The following RELB variants were observed in gnomAD, a reference collection of about 807,000 sequenced individuals.
RELB encodes RELB proto-oncogene, NF-kB subunit.
Under a neutral mutation model 55.4 loss-of-function variants are expected in RELB, and 14 were observed. That is an observed-to-expected ratio of 0.25 (90% CI 0.17 to 0.40). The LOEUF is 0.40. RELB is among the 10% of genes least tolerant of loss of function. The probability of loss-of-function intolerance (pLI) is 1.00; values close to 1 mark genes in which losing one functional copy is unlikely to be tolerated. For missense variants in RELB, 669 were observed against 830.7 expected (o/e 0.81, Z 2.39); for synonymous variants, 409 against 371.3 (o/e 1.10, Z -1.17).
intron 7 of RELB, among the ~76,000 whole-genome samples, chr19:45,027,393 C>G (rs1205124054): frequency 6.6e-6 from 1 of 152,108 alleles, no homozygotes; most frequent in Non-Finnish European, 1.5e-5. Context: ...ATATCTGTCT[C>G]TTTCTGTCTC....
At position 45,034,669 on chromosome 19, in the gene RELB, A is replaced by G. The variant is rs151210870; in HGVS notation, c.1354+141A>G. 193 of 660,480 alleles carry G rather than the reference A, an allele frequency of 2.9e-4. 1 individual carries two copies. Among genetic ancestry groups the G allele is most frequent in the Middle Eastern group, 2.5e-3 (6 of 2,390 alleles). 40.9% of individuals were successfully genotyped at this position (660,480 alleles called of 1,614,324 possible). A position where few individuals can be genotyped will look rare whatever the true frequency, so the allele number is the denominator to read the frequency against. On this transcript the variant is annotated intron_variant, in intron 11 of 11. Coordinates refer to ENST00000221452, the MANE Select transcript of RELB (RefSeq NM_006509.4). ...GCACTTAGCCAGCAACATAGAGTAG[A>G]AAGAATGAGGGCTTTGGAGACAGAA...
At chr19:45,008,018 A>AAAAAAAAAAAAAG (rs1971304441) in intron 2 of RELB, among the ~76,000 whole-genome samples, 1 of 147,254 alleles carries the variant, frequency 6.8e-6, no homozygotes, top group African/African-American at 2.5e-5. Flanking sequence ...AAAAAAAAAA[A>AAAAAAAAAAAAAG]AAAAAGCCGG....
At position 45,011,756 on chromosome 19, in the gene RELB, C is replaced by CTGTGTGTG. The variant is rs199579874; in HGVS notation, c.164-145_164-138dup. On this transcript the variant is annotated intron_variant, in intron 3 of 11. Transcript: ENST00000221452. ...GCCACCGCACCTGGCCTCCCTGACT[C>CTGTGTGTG]TGTGTGTGTGTGTGTGTGTGTGTGT... is the stretch of plus-strand genomic sequence containing the variant. 2.5e-3 allele frequency among the ~76,000 whole-genome samples: 147 copies of CTGTGTGTG among 59,870 alleles called. 12 individuals are homozygous for CTGTGTGTG. Among genetic ancestry groups the CTGTGTGTG allele is most frequent in the Middle Eastern group, 8.8e-3 (1 of 114 alleles). The allele number at this position is 59,870 out of a possible 152,430, so 39.3% of individuals were successfully genotyped here.
rs1182717956 is a variant in RELB, at chr19:45,001,587, G to C, written c.8G>C (p.Arg3Pro). The C allele has an allele frequency of 6.8e-7, 1 of 1,472,742 alleles. No homozygotes were observed. The highest frequency in any genetic ancestry group is 1.5e-5 in the African/African-American group (1 of 68,230). The allele number at this position is 1,472,742 out of a possible 1,614,324, so 91.2% of individuals were successfully genotyped here. Residue 3 changes from arginine to proline, a missense_variant, in exon 1 of 12, where the codon CGG becomes CCG. Physicochemically the swap from Arg to Pro is moderately radical, Grantham distance 103 (BLOSUM62 -2). Transcript: ENST00000221452. ...CCCGGCCGGCCCGCGTGCATGCTTC[G>C]GTCTGGGCCAGCCTCTGGGCCGTCC... ML[R>P]SGPASGPSVP...
At chr19:45,003,037 G>T in intron 2 of RELB, 41 bp downstream of exon 2, 1 of 1,590,858 alleles carries the variant, frequency 6.3e-7, no homozygotes, top group Non-Finnish European at 8.6e-7. Context: ...CGCTCATGCA[G>T]GATGAGGTTG....
At chr19:45,003,060 AG>A in intron 2 of RELB, 64 bp downstream of exon 2, 1 of 1,493,240 alleles carries the variant, frequency 6.7e-7, no homozygotes, top group Admixed American at 1.9e-5. Context: ...AGGACTCCAC[AG>A]AGATGTCTCT....
At chr19:45,006,337 T>C (rs1012223057) in intron 2 of RELB, among the ~76,000 whole-genome samples, 3 of 152,052 alleles carry the variant, frequency 2.0e-5, no homozygotes, top group Non-Finnish European at 4.4e-5. Flanking sequence ...CTCAAACAGC[T>C]GGGATTCCAG....
chr19:45,018,511 G>T (rs1370588726), intron 4 of RELB, among the ~76,000 whole-genome samples: 4 of 151,722 alleles, frequency 2.6e-5, no homozygotes, highest in Non-Finnish European at 5.9e-5. Context: ...GAACCTGGGA[G>T]GCAGGGGTTG....
chr19:45,026,719 T>G (rs1316593924), intron 7 of RELB, among the ~76,000 whole-genome samples: 1 of 152,142 alleles, frequency 6.6e-6, no homozygotes, highest in Non-Finnish European at 1.5e-5. Context: ...AGACTTCTGC[T>G]TATTTTTCAG....
chr19:45,022,014 C>T (rs760357505), intron 4 of RELB, 39 bp from the exon 5 acceptor site: 22 of 1,569,526 alleles, frequency 1.4e-5, no homozygotes, highest in African/African-American at 8.1e-5. Context: ...ACGCAGGCAT[C>T]GGTGATGGGA....
intron 5 of RELB, among the ~76,000 whole-genome samples, chr19:45,022,975 A>G (rs1432344510): frequency 6.6e-6 from 1 of 152,220 alleles, no homozygotes; most frequent in East Asian, 1.9e-4. Flanking sequence ...AGAGACAGAA[A>G]GGTAGTGACA....
At chr19:45,037,358 A>C (rs184791402) in intron 11 of RELB, 47 bp from the exon 12 acceptor site, 21,357 of 1,486,576 alleles carry the variant, frequency 0.014, 184 homozygotes, top group South Asian at 0.02. Flanking sequence ...CCTGATCAGA[A>C]GTTAGCCCTA....
intron 7 of RELB, among the ~76,000 whole-genome samples, chr19:45,027,856 C>T (rs1482738323): frequency 6.6e-6 from 1 of 151,946 alleles, no homozygotes; most frequent in African/African-American, 2.4e-5. Flanking sequence ...CTGAGGGTCT[C>T]CCTTAAACAT....
In RELB at chr19:45,012,096, C is replaced by T; in HGVS notation, c.324C>T (p.Gly108=). 1 of 1,554,806 alleles carries T rather than the reference C, an allele frequency of 6.4e-7. No homozygotes were observed. Among genetic ancestry groups the T allele is most frequent in the Non-Finnish European group, 8.6e-7 (1 of 1,156,658 alleles). The change falls in exon 4 of 12, where the codon GGC becomes GGT. Residue 108 remains glycine (G), a synonymous_variant. Transcript: ENST00000221452. ...CCCCAGCCACGCCGCCGCCTTGGGGCTGCCCCCTGGGCCGACTAGTGTCCC... is the reference window on the plus strand; with the variant it reads ...CCCCAGCCACGCCGCCGCCTTGGGGTTGCCCCCTGGGCCGACTAGTGTCCC... ...VAPPATPPPW[G]CPLGRLVSPA...
At chr19:45,006,071 G>A (rs1971278468) in intron 2 of RELB, among the ~76,000 whole-genome samples, 1 of 152,206 alleles carries the variant, frequency 6.6e-6, no homozygotes, top group African/African-American at 2.4e-5. Flanking sequence ...CCTAGATGAG[G>A]AGGCAGACAC....
chr19:45,023,516 C>A (rs1222718773), intron 5 of RELB, among the ~76,000 whole-genome samples: 1 of 151,768 alleles, frequency 6.6e-6, no homozygotes, highest in East Asian at 1.9e-4. Context: ...CGGCTCACTG[C>A]AAGCTCTGCC....
rs1226318310 is a variant in RELB, at chr19:45,001,487, T to C, written c.-93T>C. The C allele has an allele frequency of 2.1e-6, 1 of 468,556 alleles. No homozygotes were observed. The highest frequency in any genetic ancestry group is 2.1e-5 in the African/African-American group (1 of 47,178). The allele number at this position is 468,556 out of a possible 1,614,324, so 29.0% of individuals were successfully genotyped here. ...GCGCAGCCCCGGGCGCCGCGCGTCCTGCCCGGCCTGCGGCCCCAGCCCTTG... is the reference window on the plus strand; with the variant it reads ...GCGCAGCCCCGGGCGCCGCGCGTCCCGCCCGGCCTGCGGCCCCAGCCCTTG... On this transcript the variant is annotated 5_prime_UTR_variant, in exon 1 of 12. Transcript: ENST00000221452.
chr19:45,025,147 C>T (rs954649099), intron 5 of RELB, among the ~76,000 whole-genome samples, 182 bp from the exon 6 acceptor site: 2 of 152,130 alleles, frequency 1.3e-5, no homozygotes, highest in African/African-American at 4.8e-5. Flanking sequence ...GTGTGAGCCA[C>T]CGCGCTGGCC....
chr19:45,013,458 T>C (rs1971386429), intron 4 of RELB, among the ~76,000 whole-genome samples: 1 of 150,374 alleles, frequency 6.7e-6, no homozygotes. Flanking sequence ...TGTCTGTTAA[T>C]CTGGATCTGT....
Sources: gnomAD v4.1 joint callset for allele counts (sites outside exome capture counted in the v4.1 genomes callset) on GRCh38, gnomAD v4.1.1 for gene constraint, MANE v1.5 for transcripts, NCBI Gene and HGNC (gene_info 2026-07-23, HGNC 2026-07-21) for gene names.